The following WIPF1 variants were observed in gnomAD, a reference collection of about 807,000 sequenced individuals.
WIPF1 encodes the protein WAS/WASL-interacting protein family member 1.
In WIPF1, 13 loss-of-function variants were observed where a neutral mutation model predicts 35.4. The observed-to-expected ratio is 0.37, with a 90% CI of 0.24 to 0.58. The LOEUF is 0.58. Ranked by LOEUF, WIPF1 falls within the 20% of genes least tolerant of loss-of-function variation. The pLI, the probability that WIPF1 is intolerant of heterozygous loss-of-function variation, is 0.74. For synonymous variants in WIPF1, 267 were observed against 266.3 expected (o/e 1.00, Z -0.02); for missense variants, 591 against 667.0 (o/e 0.89, Z 1.25).
chr2:174,670,986 T>C (rs1688005728), intron 1 of WIPF1, among the ~76,000 whole-genome samples: 1 of 152,220 alleles, frequency 6.6e-6, no homozygotes, highest in African/African-American at 2.4e-5. Flanking sequence ...CAGCAATATA[T>C]TGACTTTTCC....
chr2:174,677,079 G>A (rs1688149780), intron 1 of WIPF1: 1 of 152,106 alleles, frequency 6.6e-6, no homozygotes, highest in South Asian at 2.1e-4. Context: ...ATTTGGGCCT[G>A]GGAAGTCGAG....
At chr2:174,649,124 G>A (rs1164063368) in intron 1 of WIPF1, among the ~76,000 whole-genome samples, 2 of 152,122 alleles carry the variant, frequency 1.3e-5, no homozygotes, top group African/African-American at 4.8e-5. Flanking sequence ...GAATCTGCAG[G>A]TTCTTCTTCA....
intron 5 of WIPF1, among the ~76,000 whole-genome samples, chr2:174,569,275 G>A (rs958302061): frequency 6.6e-6 from 1 of 152,172 alleles, no homozygotes; most frequent in African/African-American, 2.4e-5. Context: ...ACAGAGGTGG[G>A]AGGCACTGCC....
At chr2:174,671,050 G>T (rs1688007428) in intron 1 of WIPF1, among the ~76,000 whole-genome samples, 1 of 152,184 alleles carries the variant, frequency 6.6e-6, no homozygotes, top group Non-Finnish European at 1.5e-5. Flanking sequence ...TCCTTAAAAG[G>T]GGTAAGTCAA....
chr2:174,582,417 C>T (rs1685269744), intron 2 of WIPF1, among the ~76,000 whole-genome samples: 1 of 152,194 alleles, frequency 6.6e-6, no homozygotes, highest in Non-Finnish European at 1.5e-5. Flanking sequence ...GTCTGGCTGC[C>T]CCAAACCCAC....
chr2:174,673,192 A>C (rs1336925773), intron 1 of WIPF1: 3 of 152,184 alleles, frequency 2.0e-5, no homozygotes, highest in Non-Finnish European at 4.4e-5. Context: ...GCTCCCTACC[A>C]AGGTTAGATC....
At chr2:174,638,153 T>G (rs1014433801) in intron 1 of WIPF1, among the ~76,000 whole-genome samples, 1 of 152,240 alleles carries the variant, frequency 6.6e-6, no homozygotes, top group Non-Finnish European at 1.5e-5. Context: ...CAAGATACAT[T>G]GTACTCCAAA....
At chr2:174,626,039 T>G (rs1343556527) in intron 1 of WIPF1, 14 of 152,226 alleles carry the variant, frequency 9.2e-5, no homozygotes, top group Admixed American at 9.2e-4. Context: ...AAAAGCAATT[T>G]CAATTATATT....
At chr2:174,672,217 G>A (rs1046483084) in intron 1 of WIPF1, among the ~76,000 whole-genome samples, 2 of 152,236 alleles carry the variant, frequency 1.3e-5, no homozygotes, top group Admixed American at 6.5e-5. Context: ...GGTGAGGACA[G>A]ATGGTTTCAA....
Position 174,561,606 on chromosome 2 carries a change from G to A in WIPF1, c.*941C>T, listed in dbSNP as rs536571625. ...CTTGTATACAGATATTAAGGGAAGA[G>A]GGAAGTTAAGGGAGGAAAATCGAAG... On this transcript the variant is annotated 3_prime_UTR_variant, in exon 8 of 8. Coordinates refer to ENST00000679041, the MANE Select transcript of WIPF1 (RefSeq NM_001375834.1). 1.3e-5 allele frequency: 2 copies of A among 159,172 alleles called. No homozygotes were observed. Among genetic ancestry groups the A allele is most frequent in the South Asian group, 3.4e-4 (2 of 5,806 alleles). 9.9% of individuals were successfully genotyped at this position (159,172 alleles called of 1,614,324 possible).
chr2:174,573,033 G>C (rs576808874), intron 4 of WIPF1, among the ~76,000 whole-genome samples: 16 of 152,250 alleles, frequency 1.1e-4, no homozygotes, highest in Non-Finnish European at 1.9e-4. Flanking sequence ...AAAGGAAAAA[G>C]AACCATCAGT....
intron 1 of WIPF1, among the ~76,000 whole-genome samples, chr2:174,632,015 G>A (rs1687036021): frequency 6.6e-6 from 1 of 152,124 alleles, no homozygotes; most frequent in African/African-American, 2.4e-5. Context: ...GAGAGTTCAG[G>A]AATGTGTCCA....
chr2:174,620,175 T>G (rs1686631550), intron 1 of WIPF1, among the ~76,000 whole-genome samples: 1 of 152,206 alleles, frequency 6.6e-6, no homozygotes, highest in South Asian at 2.1e-4. Context: ...TTAAAATGCT[T>G]TAGAATTTCA....
rs1404245733 is a variant in WIPF1 at position 174,559,882 on chromosome 2, T to C, written c.*2665A>G. On this transcript the variant is annotated 3_prime_UTR_variant, in exon 8 of 8. Coordinates refer to ENST00000679041, the MANE Select transcript of WIPF1 (RefSeq NM_001375834.1). ...AGTTTTTACAAATATGCAAATAATC[T>C]ACTACTTAGACATAAAAAAAAGTTG... The C allele has an allele frequency of 6.6e-6, 1 of 152,568 alleles. No individual in the cohort carries two copies. The highest frequency in any genetic ancestry group is 1.5e-5 in the Non-Finnish European group (1 of 68,006). The allele number at this position is 152,568 out of a possible 1,614,324, so 9.5% of individuals were successfully genotyped here. A position where few individuals can be genotyped will look rare whatever the true frequency, so the allele number is the denominator to read the frequency against.
upstream of WIPF1, among the ~76,000 whole-genome samples, chr2:174,602,104 G>C (rs1686028720): frequency 6.6e-6 from 1 of 152,208 alleles, no homozygotes; most frequent in Non-Finnish European, 1.5e-5. Flanking sequence ...AATTTTAAAT[G>C]CGTATCTCTT....
chr2:174,674,938 AC>A (rs1688097055), intron 1 of WIPF1, among the ~76,000 whole-genome samples: 1 of 148,636 alleles, frequency 6.7e-6, no homozygotes. Flanking sequence ...ACACACACAC[AC>A]ACACACACAG....
At chr2:174,640,094 T>C (rs1228289464) in intron 1 of WIPF1, among the ~76,000 whole-genome samples, 1 of 151,916 alleles carries the variant, frequency 6.6e-6, no homozygotes, top group Non-Finnish European at 1.5e-5. Flanking sequence ...AGTTGCAGGA[T>C]ACAAAATCAA....
rs556678311 is a variant in WIPF1, at chr2:174,571,942, T to TGAG, written c.860_862dup (p.Pro287dup). 6.9e-5 allele frequency: 110 copies of TGAG among 1,589,418 alleles called. No homozygotes were observed. The East Asian group carries it at 1.1e-3, about 16-fold the overall frequency. ...GGAAGGCACTGGAGGCTTGTTGTTC[T>TGAG]GAGGAGGAGGAGGGGGAACCGCTTC... On this transcript the variant is annotated inframe_insertion, in exon 5 of 8. Coordinates refer to ENST00000679041, the MANE Select transcript of WIPF1 (RefSeq NM_001375834.1). The surrounding 1 kb of genome is among the most constrained non-coding windows in gnomAD (Gnocchi z 4.6).
intron 1 of WIPF1, among the ~76,000 whole-genome samples, chr2:174,658,675 G>A (rs911539345): frequency 3.3e-5 from 5 of 151,940 alleles, no homozygotes; most frequent in African/African-American, 1.2e-4. Context: ...CCTTGAAATG[G>A]GTAAAACAGT....
Sources: allele counts gnomAD v4.1 joint callset (sites outside exome capture counted in the v4.1 genomes callset), GRCh38; gene constraint gnomAD v4.1.1; non-coding constraint Gnocchi (gnomAD v3.1); transcripts MANE v1.5; gene names NCBI Gene and HGNC (gene_info 2026-07-23, HGNC 2026-07-21).